Variants in NDUFA9 observed in about 807,000 individuals in gnomAD.
NDUFA9 encodes the protein NADH dehydrogenase [ubiquinone] 1 alpha subcomplex subunit 9, mitochondrial.
Under a neutral mutation model 45.9 loss-of-function variants are expected in NDUFA9, and 23 were observed. That is an observed-to-expected ratio of 0.50 (90% confidence interval 0.36 to 0.71). The LOEUF is 0.71. Ranked by LOEUF, NDUFA9 falls within the 30% of genes least tolerant of loss-of-function variation. The pLI, the probability that NDUFA9 is intolerant of heterozygous loss-of-function variation, is 0.00. For missense variants in NDUFA9, 466 were observed against 488.2 expected (o/e 0.95, Z 0.43); for synonymous variants, 176 against 170.5 (o/e 1.03, Z -0.25).
chr12:4,684,481 C>G (rs1185898873), intron 9 of NDUFA9, among the ~76,000 whole-genome samples: 1 of 150,308 alleles, frequency 6.7e-6, no homozygotes, highest in East Asian at 1.9e-4. Flanking sequence ...AGTTGAAAAC[C>G]CACTGCTACT....
chr12:4,649,843 T>C (rs1378524908), intron 1 of NDUFA9, among the ~76,000 whole-genome samples: 2 of 152,146 alleles, frequency 1.3e-5, no homozygotes, highest in Non-Finnish European at 2.9e-5. Context: ...TTAGCATTAT[T>C]TAGTTTCTCT....
At chr12:4,678,586 A>C (rs1945934533) in intron 8 of NDUFA9, among the ~76,000 whole-genome samples, 1 of 152,220 alleles carries the variant, frequency 6.6e-6, no homozygotes, top group African/African-American at 2.4e-5. Flanking sequence ...ATATACAAAG[A>C]AATCTTAGAA....
chr12:4,684,870 A>G lies in NDUFA9; in HGVS notation c.897-389A>G, dbSNP rs190147573. ...GGTTACGTTGTATATTTTACACACC[A>G]TTCAGCTTGCCCTGCTTCTGTAAAG... On this transcript the variant is annotated intron_variant, in intron 9 of 10. Transcript: ENST00000266544. The G allele has an allele frequency of 1.1e-3, 560 of 517,032 alleles. 4 individuals carry two copies. The highest frequency in any genetic ancestry group is 3.4e-3 in the Admixed American group (106 of 31,534). 32.0% of individuals were successfully genotyped at this position (517,032 alleles called of 1,614,324 possible). A position where few individuals can be genotyped will look rare whatever the true frequency, so the allele number is the denominator to read the frequency against.
At chr12:4,681,755 T>G (rs1200317008) in intron 8 of NDUFA9, among the ~76,000 whole-genome samples, 1 of 151,802 alleles carries the variant, frequency 6.6e-6, no homozygotes, top group Non-Finnish European at 1.5e-5. Context: ...TGCGTAATCA[T>G]GGATAAGTAC....
intron 8 of NDUFA9, among the ~76,000 whole-genome samples, chr12:4,677,679 G>A (rs775221011): frequency 1.3e-5 from 2 of 152,146 alleles, no homozygotes; most frequent in African/African-American, 2.4e-5. Context: ...AAATAGTGAC[G>A]CTTTTCCACT....
intron 8 of NDUFA9, among the ~76,000 whole-genome samples, chr12:4,678,486 A>G (rs948438184): frequency 6.6e-6 from 1 of 152,146 alleles, no homozygotes; most frequent in African/African-American, 2.4e-5. Context: ...TTGTGTTTCA[A>G]AAGACACCAT....
At chr12:4,664,620 C>G (rs1565567526) in intron 6 of NDUFA9, among the ~76,000 whole-genome samples, 2 of 152,164 alleles carry the variant, frequency 1.3e-5, no homozygotes, top group Non-Finnish European at 1.5e-5. Context: ...CTACAGCCCC[C>G]TGGAACCTTT....
chr12:4,653,530 TCTA>T, intron 1 of NDUFA9: 3 of 418,502 alleles, frequency 7.2e-6, no homozygotes, highest in Non-Finnish European at 1.4e-5. Context: ...GAGGGTTCAT[TCTA>T]GTACCAAGAA....
At chr12:4,649,530 G>A (rs1406913278) in intron 1 of NDUFA9, among the ~76,000 whole-genome samples, 1 of 151,924 alleles carries the variant, frequency 6.6e-6, no homozygotes, top group Non-Finnish European at 1.5e-5. Flanking sequence ...GTAAGGGAGG[G>A]AAAAAAGGCT....
At chr12:4,671,192 AATTAT>A (rs549995014) in intron 8 of NDUFA9, among the ~76,000 whole-genome samples, 95 of 152,160 alleles carry the variant, frequency 6.2e-4, no homozygotes, top group Non-Finnish European at 4.7e-4. Context: ...TGTAATTATG[AATTAT>A]ATTATGTTGG....
chr12:4,685,122 G>A (rs928281695), intron 9 of NDUFA9, 137 bp from the exon 10 acceptor site: 7 of 767,840 alleles, frequency 9.1e-6, no homozygotes, highest in Non-Finnish European at 1.6e-5. Flanking sequence ...ACAGGTCGAG[G>A]TGGTTATTTT....
intron 8 of NDUFA9, among the ~76,000 whole-genome samples, chr12:4,672,820 C>T (rs1298903560): frequency 1.3e-5 from 2 of 152,234 alleles, no homozygotes; most frequent in East Asian, 1.9e-4. Context: ...AGACTTTTAA[C>T]ATCCCTGCCT....
intron 1 of NDUFA9, among the ~76,000 whole-genome samples, chr12:4,649,749 G>C (rs1178710576): frequency 2.0e-5 from 3 of 152,202 alleles, no homozygotes; most frequent in African/African-American, 7.2e-5. Context: ...GTTGGGGTCT[G>C]GGGGAGAGAG....
chr12:4,675,276 C>G (rs889595546), intron 8 of NDUFA9, among the ~76,000 whole-genome samples: 2 of 152,038 alleles, frequency 1.3e-5, no homozygotes. Flanking sequence ...CAGGAACAAA[C>G]AAATTTAAAA....
intron 6 of NDUFA9, among the ~76,000 whole-genome samples, chr12:4,664,148 C>T (rs1945839840): frequency 6.6e-6 from 1 of 152,168 alleles, no homozygotes; most frequent in Admixed American, 6.5e-5. Flanking sequence ...GGAACCGGAA[C>T]CTGAAGATTT....
chr12:4,657,791 A>G lies in NDUFA9; in HGVS notation c.362A>G (p.Gln121Arg). 1 of 1,613,842 alleles carries G rather than the reference A, an allele frequency of 6.2e-7. No individual in the cohort carries two copies. Reference protein sequence around the residue: ...RDKDSIRRVVQHSNVVINLIG... With the variant: ...RDKDSIRRVVRHSNVVINLIG... Reference sequence around the variant, plus strand: ...AAAGATTCTATCCGACGAGTAGTACAACACAGCAATGTGGTCATCAATCTT... The same window carrying G: ...AAAGATTCTATCCGACGAGTAGTACGACACAGCAATGTGGTCATCAATCTT... Residue 121 changes from glutamine to arginine, a missense_variant, in exon 4 of 11, where the codon CAA becomes CGA. By Grantham distance (43) the Gln-to-Arg change is conservative. Transcript: ENST00000266544.
At chr12:4,685,441 C>T in intron 10 of NDUFA9, 116 bp downstream of exon 10, 1 of 937,876 alleles carries the variant, frequency 1.1e-6, no homozygotes, top group Non-Finnish European at 1.6e-6. Context: ...TTGCTGTCTG[C>T]AGTCAGCCCC....
rs1946026714 is a variant in NDUFA9, at chr12:4,693,115, T to C, written c.*6007T>C. The C allele has an allele frequency of 6.6e-6, 1 of 152,228 alleles. No individual in the cohort carries two copies. The highest frequency in any genetic ancestry group is 6.5e-5 in the Admixed American group (1 of 15,268). 9.4% of individuals were successfully genotyped at this position (152,228 alleles called of 1,614,324 possible). A position where few individuals can be genotyped will look rare whatever the true frequency, so the allele number is the denominator to read the frequency against. ...GCCTGGGCAACAGAGTGAAACCCCATCTCTTTAAAAAAATAAAGCACTTGA... is the reference window on the plus strand; with the variant it reads ...GCCTGGGCAACAGAGTGAAACCCCACCTCTTTAAAAAAATAAAGCACTTGA... On this transcript the variant is annotated 3_prime_UTR_variant, in exon 11 of 11. Coordinates refer to ENST00000266544, the MANE Select transcript of NDUFA9 (RefSeq NM_005002.5).
intron 6 of NDUFA9, among the ~76,000 whole-genome samples, chr12:4,665,771 A>C (rs1945849925): frequency 6.9e-6 from 1 of 145,688 alleles, no homozygotes; most frequent in Non-Finnish European, 1.5e-5. Context: ...TATAATAGCC[A>C]TCCTAATAGT....
Sources: allele counts gnomAD v4.1 joint callset (sites outside exome capture counted in the v4.1 genomes callset), GRCh38; gene constraint gnomAD v4.1.1; transcripts MANE v1.5; gene names NCBI Gene and HGNC (gene_info 2026-07-23, HGNC 2026-07-21).